SLC47A1: variants seen among roughly 807,000 people sequenced by gnomAD.
The protein encoded by SLC47A1 is multidrug and toxin extrusion protein 1.
Under a neutral mutation model 65.8 loss-of-function variants are expected in SLC47A1, and 58 were observed. That is an observed-to-expected ratio of 0.88 (90% confidence interval 0.71 to 1.10). SLC47A1 has a LOEUF of 1.10. Among genes scored for constraint, SLC47A1 ranks in the 50% least tolerant of loss-of-function variants. SLC47A1 has a pLI of 0.00. For synonymous variants in SLC47A1, 285 were observed against 295.0 expected (o/e 0.97, Z 0.35); for missense variants, 706 against 719.2 (o/e 0.98, Z 0.21).
At chr17:19,534,201 G>C in intron 1 of SLC47A1, 127 bp downstream of exon 1, 1 of 1,256,420 alleles carries the variant, frequency 8.0e-7, no homozygotes, top group Admixed American at 3.4e-5. Flanking sequence ...GCTCCGGGGA[G>C]CATCGTGCCA....
chr17:19,546,599 G>A, intron 3 of SLC47A1, 96 bp downstream of exon 3: 4 of 1,124,756 alleles, frequency 3.6e-6, no homozygotes, highest in Non-Finnish European at 5.3e-6. Context: ...TCAGCAGCCA[G>A]CACTTGCAGC....
At chr17:19,547,341 G>A (rs1916315405) in intron 3 of SLC47A1, among the ~76,000 whole-genome samples, 1 of 141,014 alleles carries the variant, frequency 7.1e-6, no homozygotes, top group African/African-American at 2.6e-5. Flanking sequence ...ACAATGCCCA[G>A]CCTGGCTTTT....
chr17:19,567,054 C>T (rs777052627), intron 13 of SLC47A1, 42 bp from the exon 14 acceptor site: 41 of 1,613,524 alleles, frequency 2.5e-5, no homozygotes, highest in Middle Eastern at 3.3e-4. Context: ...GTTTCAAGAG[C>T]GCCGGATGTG....
chr17:19,538,073 G>A (rs1916042370), intron 1 of SLC47A1, among the ~76,000 whole-genome samples: 1 of 152,202 alleles, frequency 6.6e-6, no homozygotes, highest in Non-Finnish European at 1.5e-5. Context: ...GGCTTACGAT[G>A]GGGTTATATG....
At chr17:19,566,886 G>A (rs1391667862) in intron 13 of SLC47A1, 27 bp downstream of exon 13, 3 of 1,612,214 alleles carry the variant, frequency 1.9e-6, no homozygotes, top group South Asian at 2.2e-5. Context: ...AGTCCCCTAA[G>A]CACTGTTATG....
At position 19,578,217 on chromosome 17, in the gene SLC47A1, C is replaced by A. The variant is rs764849060; in HGVS notation, c.*664C>A. 5.7e-6 allele frequency: 2 copies of A among 350,900 alleles called. No individual in the cohort carries two copies. The highest frequency in any genetic ancestry group is 5.6e-6 in the Non-Finnish European group (1 of 177,682). 21.7% of individuals were successfully genotyped at this position (350,900 alleles called of 1,614,324 possible). A position where few individuals can be genotyped will look rare whatever the true frequency, so the allele number is the denominator to read the frequency against. Reference sequence around the variant, plus strand: ...GGACACTGAAAAACAGTTGGGAAATCTTTCGAGCTGTGGAAATCCAAACAA... The same window carrying A: ...GGACACTGAAAAACAGTTGGGAAATATTTCGAGCTGTGGAAATCCAAACAA... On this transcript the variant is annotated 3_prime_UTR_variant, in exon 17 of 17. Transcript: ENST00000270570.
intron 10 of SLC47A1, among the ~76,000 whole-genome samples, chr17:19,559,373 T>C (rs2084289344): frequency 6.6e-6 from 1 of 152,182 alleles, no homozygotes; most frequent in Non-Finnish European, 1.5e-5. Context: ...GAACAGACAC[T>C]ATGCCATGTG....
intron 14 of SLC47A1, among the ~76,000 whole-genome samples, chr17:19,570,031 G>A (rs1028379067): frequency 6.6e-6 from 1 of 152,126 alleles, no homozygotes; most frequent in African/African-American, 2.4e-5. Flanking sequence ...AGGATCACTT[G>A]ACTCTAGGAG....
At chr17:19,555,952 G>C in intron 9 of SLC47A1, 43 bp downstream of exon 9, 1 of 1,614,084 alleles carries the variant, frequency 6.2e-7, no homozygotes, top group Middle Eastern at 1.6e-4. Flanking sequence ...GGAACCTGGG[G>C]GCCCTGTCTG....
At chr17:19,540,249 C>T (rs1228381530) in intron 1 of SLC47A1, among the ~76,000 whole-genome samples, 2 of 152,054 alleles carry the variant, frequency 1.3e-5, no homozygotes, top group Non-Finnish European at 2.9e-5. Context: ...TAGGGGAGAC[C>T]GAGCACACTT....
At chr17:19,540,358 T>G (rs1916108067) in intron 1 of SLC47A1, among the ~76,000 whole-genome samples, 1 of 152,216 alleles carries the variant, frequency 6.6e-6, no homozygotes, top group Non-Finnish European at 1.5e-5. Flanking sequence ...AGAAGACAGA[T>G]TCTGTGAACA....
chr17:19,578,098 G>C lies in SLC47A1; in HGVS notation c.*545G>C. 1.6e-6 allele frequency: 1 copy of C among 637,616 alleles called. No homozygotes were observed. The highest frequency in any genetic ancestry group is 2.5e-6 in the Non-Finnish European group (1 of 394,122). 39.5% of individuals were successfully genotyped at this position (637,616 alleles called of 1,614,324 possible). On this transcript the variant is annotated 3_prime_UTR_variant, in exon 17 of 17. Transcript: ENST00000270570. ...CTTGGGCTTCAAGCAATCCTCCTGT[G>C]TCAGCCACCAGAGTAGCTGAGACTA...
At chr17:19,565,001 G>T (rs1277968433) in intron 12 of SLC47A1, among the ~76,000 whole-genome samples, 1 of 152,212 alleles carries the variant, frequency 6.6e-6, no homozygotes, top group Non-Finnish European at 1.5e-5. Flanking sequence ...TTACAGGCAT[G>T]AGCCACCACT....
intron 7 of SLC47A1, 46 bp downstream of exon 7, chr17:19,555,355 T>C (rs1398084305): frequency 6.2e-7 from 1 of 1,601,778 alleles, no homozygotes; most frequent in East Asian, 2.2e-5. Flanking sequence ...ATGACTTGCA[T>C]GTGGTTTTTC....
chr17:19,565,699 G>T (rs950153098), intron 12 of SLC47A1, among the ~76,000 whole-genome samples: 1 of 148,980 alleles, frequency 6.7e-6, no homozygotes, highest in Non-Finnish European at 1.5e-5. Flanking sequence ...TCCTGTCTCA[G>T]CCTCCCCAGC....
intron 2 of SLC47A1, among the ~76,000 whole-genome samples, chr17:19,544,550 G>C (rs187554785): frequency 6.6e-6 from 1 of 152,150 alleles, no homozygotes; most frequent in East Asian, 1.9e-4. Flanking sequence ...GGTTTGGGGG[G>C]CACTGCTCTA....
chr17:19,566,035 C>A (rs887527582), intron 12 of SLC47A1, among the ~76,000 whole-genome samples: 1 of 152,126 alleles, frequency 6.6e-6, no homozygotes, highest in Non-Finnish European at 1.5e-5. Flanking sequence ...GCTTTCCACC[C>A]GCTAGTTATT....
Position 19,557,680 on chromosome 17 carries a change from A to G in SLC47A1, c.921+1618A>G, listed in dbSNP as rs778998599. The stretch of plus-strand genomic sequence containing the variant: ...ACCCGTAGATGTAGTGAGGGTAACA[A>G]TACTTACTCTCGTTGGTGATAAGGA... On this transcript the variant is annotated intron_variant, in intron 10 of 16. Transcript: ENST00000270570. 1.4e-5 allele frequency: 7 copies of G among 503,922 alleles called. No individual in the cohort carries two copies. The Admixed American group carries it at 1.4e-4, about 10-fold the overall frequency. 31.2% of individuals were successfully genotyped at this position (503,922 alleles called of 1,614,324 possible).
intron 2 of SLC47A1, among the ~76,000 whole-genome samples, chr17:19,543,529 T>C (rs377059183): frequency 1.1e-4 from 16 of 152,304 alleles, no homozygotes; most frequent in African/African-American, 3.8e-4. Flanking sequence ...CTCCCCCCCA[T>C]GCCCACTCCT....
Sources: gnomAD v4.1 joint callset for allele counts (sites outside exome capture counted in the v4.1 genomes callset) on GRCh38, gnomAD v4.1.1 for gene constraint, MANE v1.5 for transcripts, NCBI Gene and HGNC (gene_info 2026-07-23, HGNC 2026-07-21) for gene names.